The following NHS variants were observed in gnomAD, a reference collection of about 807,000 sequenced individuals.
NHS encodes actin remodeling regulator NHS.
A neutral mutation model predicts 72.5 loss-of-function variants in NHS; 5 were observed. That is an observed-to-expected ratio of 0.07 (90% CI 0.04 to 0.14). The LOEUF (loss-of-function observed/expected upper bound fraction) is 0.14. NHS is among the 10% of genes least tolerant of loss of function. NHS has a pLI of 1.00. For synonymous variants in NHS, 464 were observed against 547.7 expected (o/e 0.85, Z 2.13); for missense variants, 1,072 against 1,355.7 (o/e 0.79, Z 3.29).
intron 1 of NHS, among the ~76,000 whole-genome samples, chrX:17,512,973 C>T (rs754360579): frequency 8.9e-6 from 1 of 111,929 alleles, no homozygotes; most frequent in African/African-American, 3.2e-5. Flanking sequence ...CTGTTGGAGG[C>T]TCTGCACTCC....
intron 1 of NHS, among the ~76,000 whole-genome samples, chrX:17,519,191 C>T (rs1236668436): frequency 9.0e-6 from 1 of 111,465 alleles, no homozygotes; most frequent in Non-Finnish European, 1.9e-5. Flanking sequence ...GTTGTAAAAG[C>T]CATACTGTGC....
intron 1 of NHS, among the ~76,000 whole-genome samples, chrX:17,579,146 T>C (rs183330025): frequency 8.9e-6 from 1 of 112,384 alleles, no homozygotes; most frequent in African/African-American, 3.2e-5. Context: ...ACATTTCCCC[T>C]GATCATATCA....
chrX:17,666,517 A>G (rs2066013820), intron 1 of NHS, among the ~76,000 whole-genome samples: 1 of 112,756 alleles, frequency 8.9e-6, no homozygotes, highest in Non-Finnish European at 1.9e-5. Context: ...TCACCTGGAC[A>G]TCCAGCTCCT....
chrX:17,517,178 G>T, intron 1 of NHS, among the ~76,000 whole-genome samples: 1 of 112,352 alleles, frequency 8.9e-6, no homozygotes, highest in Non-Finnish European at 1.9e-5. Context: ...ATACTGCAGT[G>T]AGAAGATCAC....
At chrX:17,393,748 G>T (rs1441853765) in intron 1 of NHS, among the ~76,000 whole-genome samples, 1 of 111,590 alleles carries the variant, frequency 9.0e-6, no homozygotes, top group Non-Finnish European at 1.9e-5. Context: ...TTCCTCAGAA[G>T]GACAAGAGAC....
chrX:17,536,987 C>G (rs2065228101), intron 1 of NHS, among the ~76,000 whole-genome samples: 1 of 112,111 alleles, frequency 8.9e-6, no homozygotes, highest in Admixed American at 9.5e-5. Flanking sequence ...AGTGATTGAA[C>G]TGTGGAGATA....
At chrX:17,662,244 A>G (rs1449863135) in intron 1 of NHS, among the ~76,000 whole-genome samples, 2 of 112,107 alleles carry the variant, frequency 1.8e-5, no homozygotes, top group Non-Finnish European at 3.8e-5. Flanking sequence ...AATTGAGAAG[A>G]CATGACAAGC....
chrX:17,413,989 T>G (rs1053229849), intron 1 of NHS, among the ~76,000 whole-genome samples: 1 of 112,039 alleles, frequency 8.9e-6, no homozygotes, highest in Admixed American at 9.5e-5. Context: ...CTTTAACTTT[T>G]CTTTCCTGTT....
chrX:17,420,306 T>G (rs1415438563), intron 1 of NHS, among the ~76,000 whole-genome samples: 1 of 111,914 alleles, frequency 8.9e-6, no homozygotes, highest in African/African-American at 3.3e-5. Flanking sequence ...CCCTATCTGC[T>G]CATCCGTCCA....
chrX:17,707,599 C>T (rs1298216079), intron 3 of NHS, among the ~76,000 whole-genome samples: 4 of 111,360 alleles, frequency 3.6e-5, no homozygotes, highest in African/African-American at 1.3e-4. Context: ...TAAACAATGA[C>T]CATGTTTACT....
chrX:17,394,217 C>G (rs1190582782), intron 1 of NHS, among the ~76,000 whole-genome samples: 3 of 111,623 alleles, frequency 2.7e-5, no homozygotes, highest in Non-Finnish European at 5.6e-5. Context: ...GTGTGTGATG[C>G]CTTTACAGTT....
At chrX:17,689,125 C>T (rs1034729981) in intron 2 of NHS, among the ~76,000 whole-genome samples, 17 of 112,541 alleles carry the variant, frequency 1.5e-4, no homozygotes, top group African/African-American at 2.6e-4. Context: ...ATTTATTCCA[C>T]ATTTGTATAA....
chrX:17,644,828 A>G (rs1029308930), intron 1 of NHS, among the ~76,000 whole-genome samples: 1 of 111,004 alleles, frequency 9.0e-6, no homozygotes, highest in Admixed American at 9.6e-5. Flanking sequence ...AGATCCTTCT[A>G]TATTTATCCT....
At chrX:17,400,168 A>AG (rs1352502795) in intron 1 of NHS, among the ~76,000 whole-genome samples, 1 of 112,396 alleles carries the variant, frequency 8.9e-6, no homozygotes, top group Non-Finnish European at 1.9e-5. Flanking sequence ...GAAAATTCTA[A>AG]GGAATCCACA....
intron 3 of NHS, among the ~76,000 whole-genome samples, chrX:17,696,073 C>T (rs2066228330): frequency 9.0e-6 from 1 of 111,392 alleles, no homozygotes; most frequent in South Asian, 3.8e-4. Flanking sequence ...ACAAACGTCA[C>T]GAAATCAACA....
intron 1 of NHS, among the ~76,000 whole-genome samples, chrX:17,625,860 G>C (rs2065796012): frequency 9.0e-6 from 1 of 111,656 alleles, no homozygotes; most frequent in East Asian, 2.8e-4. Context: ...TTTATACTAA[G>C]TCTTCAAATT....
At chrX:17,599,325 A>G (rs1432665461) in intron 1 of NHS, among the ~76,000 whole-genome samples, 2 of 111,824 alleles carry the variant, frequency 1.8e-5, no homozygotes, top group Non-Finnish European at 3.8e-5. Flanking sequence ...TGGGGGCACC[A>G]ATTCACAATC....
intron 1 of NHS, among the ~76,000 whole-genome samples, chrX:17,501,588 A>G (rs1387745710): frequency 1.8e-5 from 2 of 111,622 alleles, no homozygotes; most frequent in African/African-American, 6.5e-5. Flanking sequence ...TTAGCCAGGC[A>G]TAGTGGTGGG....
Position 17,491,667 on chromosome X carries a change from A to G in NHS, c.565+115345A>G, listed in dbSNP as rs770645758. Among the ~76,000 whole-genome samples the G allele has an allele frequency of 1.3e-4, 14 of 105,536 alleles. No individual in the cohort carries two copies. In the Admixed American group the frequency reaches 1.3e-3, roughly 10 times the overall value. The allele number at this position is 105,536 out of a possible 115,157, so 91.6% of individuals were successfully genotyped here. ...GTTAGGAAGGAGTCTCTATTTTTCTATTGTTTGGAATAGTTTCAGAAGGAA... is the reference window on the plus strand; with the variant it reads ...GTTAGGAAGGAGTCTCTATTTTTCTGTTGTTTGGAATAGTTTCAGAAGGAA... On this transcript the variant is annotated intron_variant, in intron 1 of 8. Transcript: ENST00000676302.
Sources: allele counts gnomAD v4.1 joint callset (sites outside exome capture counted in the v4.1 genomes callset), GRCh38; gene constraint gnomAD v4.1.1; transcripts MANE v1.5; gene names NCBI Gene and HGNC (gene_info 2026-07-23, HGNC 2026-07-21).